The following KCNH8 variants were observed in gnomAD, a reference collection of about 807,000 sequenced individuals.
KCNH8 encodes voltage-gated delayed rectifier potassium channel KCNH8.
In KCNH8, 70 loss-of-function variants were observed where a neutral mutation model predicts 103.6. That is an observed-to-expected ratio of 0.68 (90% CI 0.56 to 0.82). KCNH8 has a LOEUF of 0.82. Ranked by LOEUF, KCNH8 falls within the 40% of genes least tolerant of loss-of-function variation. KCNH8 has a pLI of 0.00. For synonymous variants in KCNH8, 498 were observed against 489.4 expected (o/e 1.02, Z -0.23); for missense variants, 1,217 against 1,329.9 (o/e 0.92, Z 1.32).
rs1284094587 is a variant in KCNH8 at position 19,376,552 on chromosome 3, C to CT, written c.812-13929_812-13928insT. ...CCTCAGATGGAAATGCAGAAATCACCCGTCTTCTGTGTCGCTCACGCTGGG... is the reference window on the plus strand; with the variant it reads ...CCTCAGATGGAAATGCAGAAATCACCTCGTCTTCTGTGTCGCTCACGCTGGG... On this transcript the variant is annotated intron_variant, in intron 5 of 15. Transcript: ENST00000328405. Among the ~76,000 whole-genome samples, 3 of 152,166 alleles carry CT rather than the reference C, an allele frequency of 2.0e-5. 1 individual carries two copies. The East Asian group carries it at 5.8e-4, about 29-fold the overall frequency.
chr3:19,224,895 C>T (rs77533342), intron 1 of KCNH8, among the ~76,000 whole-genome samples: 3,637 of 151,902 alleles, frequency 0.024, 131 homozygotes, highest in African/African-American at 0.078. Context: ...CTTGTAGTAA[C>T]GACAGACATA....
At chr3:19,251,094 T>A (rs2064270636) in intron 1 of KCNH8, among the ~76,000 whole-genome samples, 1 of 152,130 alleles carries the variant, frequency 6.6e-6, no homozygotes, top group Admixed American at 6.5e-5. Context: ...ATTGTTAAAG[T>A]GACCCAAAGC....
At chr3:19,468,879 T>A (rs1360554458) in intron 11 of KCNH8, among the ~76,000 whole-genome samples, 1 of 152,208 alleles carries the variant, frequency 6.6e-6, no homozygotes, top group African/African-American at 2.4e-5. Context: ...TCTTGATGCC[T>A]ATGTGACTAT....
chr3:19,515,656 G>A (rs1043993093), intron 14 of KCNH8, among the ~76,000 whole-genome samples: 2 of 151,966 alleles, frequency 1.3e-5, no homozygotes, highest in East Asian at 1.9e-4. Flanking sequence ...CCATTTAGCA[G>A]CGAAGGTAAT....
At chr3:19,501,253 A>G (rs1291973260) in intron 11 of KCNH8, among the ~76,000 whole-genome samples, 1 of 152,116 alleles carries the variant, frequency 6.6e-6, no homozygotes, top group East Asian at 1.9e-4. Context: ...TGAATAGACC[A>G]ATAACAGGAG....
chr3:19,179,125 T>C (rs1465556488), intron 1 of KCNH8, among the ~76,000 whole-genome samples: 6 of 152,116 alleles, frequency 3.9e-5, no homozygotes, highest in Admixed American at 3.9e-4. Context: ...ATTCTTTAGT[T>C]TTTGTAGAGA....
At chr3:19,197,820 C>T (rs996671166) in intron 1 of KCNH8, among the ~76,000 whole-genome samples, 2 of 151,898 alleles carry the variant, frequency 1.3e-5, no homozygotes, top group Admixed American at 6.6e-5. Flanking sequence ...TTCTATTTTA[C>T]TATTTCTTGG....
chr3:19,444,434 C>T (rs972805451), intron 8 of KCNH8, among the ~76,000 whole-genome samples: 6 of 151,820 alleles, frequency 4.0e-5, no homozygotes, highest in Admixed American at 6.6e-5. Context: ...TTTTTTATGA[C>T]GTCTGATTTG....
chr3:19,206,290 T>C (rs1299766831), intron 1 of KCNH8, among the ~76,000 whole-genome samples: 2 of 144,678 alleles, frequency 1.4e-5, no homozygotes, highest in Non-Finnish European at 3.0e-5. Context: ...TCACAGTTTC[T>C]TTATCCACTC....
intron 3 of KCNH8, among the ~76,000 whole-genome samples, chr3:19,326,382 T>TATATATATATATATATAA (rs879457927): frequency 2.8e-5 from 4 of 142,548 alleles, no homozygotes; most frequent in Admixed American, 1.4e-4. Flanking sequence ...TATATATATA[T>TATATATATATATATATAA]AATAAATGAT....
intron 7 of KCNH8, among the ~76,000 whole-genome samples, chr3:19,407,958 A>C (rs1446521235): frequency 6.6e-6 from 1 of 152,082 alleles, no homozygotes; most frequent in East Asian, 1.9e-4. Flanking sequence ...TGTGCCTGCC[A>C]TCAGGGAACC....
chr3:19,148,861 T>G, intron 1 of KCNH8, 66 bp downstream of exon 1: 5 of 1,385,154 alleles, frequency 3.6e-6, no homozygotes, highest in Non-Finnish European at 5.2e-6. Context: ...TACACATTAC[T>G]TTTGCTCCCA....
At chr3:19,204,770 G>A (rs1186593133) in intron 1 of KCNH8, among the ~76,000 whole-genome samples, 1 of 151,944 alleles carries the variant, frequency 6.6e-6, no homozygotes, top group Non-Finnish European at 1.5e-5. Context: ...CCCCAGTCAG[G>A]GTATGGAATT....
intron 1 of KCNH8, among the ~76,000 whole-genome samples, chr3:19,162,820 G>A (rs780578234): frequency 2.6e-5 from 4 of 152,088 alleles, no homozygotes; most frequent in Non-Finnish European, 4.4e-5. Flanking sequence ...GGCAAAATAA[G>A]AGGTAATATT....
intron 11 of KCNH8, among the ~76,000 whole-genome samples, chr3:19,458,420 A>G (rs1172412824): frequency 6.6e-6 from 1 of 151,938 alleles, no homozygotes; most frequent in Non-Finnish European, 1.5e-5. Context: ...CTCAGCATAG[A>G]AAGTGGGAAA....
chr3:19,385,586 A>G lies in KCNH8; in HGVS notation c.812-4895A>G, dbSNP rs531321449. Among the ~76,000 whole-genome samples, 19 of 152,260 alleles carry G rather than the reference A, an allele frequency of 1.2e-4. No individual in the cohort carries two copies. In the East Asian group the frequency reaches 3.7e-3, roughly 29 times the overall value. ...ATTAATCTTTCACTTCAGGTAAGCAAGAGGGACAATTCTGACAAGATAAGC... is the reference window on the plus strand; with the variant it reads ...ATTAATCTTTCACTTCAGGTAAGCAGGAGGGACAATTCTGACAAGATAAGC... On this transcript the variant is annotated intron_variant, in intron 5 of 15. Transcript: ENST00000328405.
intron 2 of KCNH8, among the ~76,000 whole-genome samples, chr3:19,270,239 A>G (rs1386826141): frequency 1.3e-5 from 2 of 152,162 alleles, no homozygotes; most frequent in Admixed American, 6.5e-5. Flanking sequence ...AAAGCCAAAA[A>G]TATTTAGTCT....
chr3:19,519,801 C>A (rs1445520071), intron 15 of KCNH8, among the ~76,000 whole-genome samples: 1 of 151,822 alleles, frequency 6.6e-6, no homozygotes, highest in Non-Finnish European at 1.5e-5. Context: ...CATTTGAATT[C>A]TTTCCTCTCA....
chr3:19,181,192 T>A (rs2063449919), intron 1 of KCNH8, among the ~76,000 whole-genome samples: 1 of 152,230 alleles, frequency 6.6e-6, no homozygotes, highest in African/African-American at 2.4e-5. Context: ...AAATAATTTT[T>A]AAAAGATATA....
Sources: gnomAD v4.1 joint callset for allele counts (sites outside exome capture counted in the v4.1 genomes callset) on GRCh38, gnomAD v4.1.1 for gene constraint, MANE v1.5 for transcripts, NCBI Gene and HGNC (gene_info 2026-07-23, HGNC 2026-07-21) for gene names.